Variants in ABCG2 observed in about 807,000 individuals in gnomAD.
The protein encoded by ABCG2 is ATP binding cassette subfamily G member 2 (JR blood group), also known as broad substrate specificity ATP-binding cassette transporter ABCG2.
In ABCG2, 80 loss-of-function variants were observed where a neutral mutation model predicts 73.5. The ratio of observed to expected loss-of-function variants is 1.09; its 90% confidence interval spans 0.91 to 1.31. The LOEUF (loss-of-function observed/expected upper bound fraction) is 1.31, where lower values mean the gene tolerates loss of function less well. Among genes scored for constraint, ABCG2 ranks in the 50% most tolerant of loss-of-function variants. ABCG2 has a pLI of 0.00. For synonymous variants in ABCG2, 269 were observed against 282.4 expected, an observed-to-expected ratio of 0.95 and a Z score of 0.48; for missense variants, 796 against 786.2, an observed-to-expected ratio of 1.01 and a Z score of -0.15.
intron 1 of ABCG2, among the ~76,000 whole-genome samples, chr4:88,145,746 C>A (rs1039292986): frequency 2.0e-4 from 30 of 152,088 alleles, no homozygotes; most frequent in African/African-American, 7.2e-4. Context: ...TCAAGACCAC[C>A]CTGGCCAACA....
intron 1 of ABCG2, among the ~76,000 whole-genome samples, chr4:88,219,333 G>A (rs1461913206): frequency 6.6e-6 from 1 of 152,114 alleles, no homozygotes; most frequent in African/African-American, 2.4e-5. Context: ...TCTTATGCTC[G>A]AAAAGCTTAT....
intron 1 of ABCG2, among the ~76,000 whole-genome samples, chr4:88,144,602 G>A (rs558388321): frequency 3.3e-5 from 5 of 151,780 alleles, no homozygotes; most frequent in South Asian, 4.2e-4. Flanking sequence ...ATTACAGGCC[G>A]ATGCCACAAC....
chr4:88,092,729 T>C (rs1255062608), intron 15 of ABCG2, among the ~76,000 whole-genome samples: 1 of 152,238 alleles, frequency 6.6e-6, no homozygotes, highest in African/African-American at 2.4e-5. Flanking sequence ...AAATCTGTAA[T>C]GCTGCTCTCT....
chr4:88,174,181 T>A lies in ABCG2; in HGVS notation c.-19-34167A>T, dbSNP rs75463711. Reference sequence around the variant, plus strand: ...TTTTTCTTTTTATTTTACTTTAAGTTCTGGGGTATCTGTGCAGAATGTGCA... The same window carrying A: ...TTTTTCTTTTTATTTTACTTTAAGTACTGGGGTATCTGTGCAGAATGTGCA... On this transcript the variant is annotated intron_variant, in intron 1 of 15. Transcript: ENST00000515655. 5.3e-4 allele frequency among the ~76,000 whole-genome samples: 80 copies of A among 152,172 alleles called. 1 individual carries two copies. The East Asian group carries it at 0.015, about 28-fold the overall frequency.
chr4:88,140,923 A>G (rs13130891), intron 1 of ABCG2, among the ~76,000 whole-genome samples: 50,247 of 152,032 alleles, frequency 0.33, 9,118 homozygotes, highest in African/African-American at 0.47. Flanking sequence ...GCAAAAATTT[A>G]AAACAAAAAA....
intron 1 of ABCG2, among the ~76,000 whole-genome samples, chr4:88,204,155 C>T (rs1207918170): frequency 1.3e-5 from 2 of 152,096 alleles, no homozygotes; most frequent in Non-Finnish European, 2.9e-5. Flanking sequence ...GGCTTGGTGG[C>T]TCATGCCTGT....
rs45551742 is a variant in ABCG2 at position 88,098,973 on chromosome 4, G to A, written c.1492+351C>T. 8.1e-3 allele frequency among the ~76,000 whole-genome samples: 1,232 copies of A among 152,022 alleles called. 21 individuals carry two copies. The highest frequency in any genetic ancestry group is 0.028 in the African/African-American group (1,162 of 41,460). ...CAAAAACTCCATCTTTCTGTGTGCC[G>A]GTAGTCCTAGCTACCCAGAGGCTGA... On this transcript the variant is annotated intron_variant, in intron 12 of 15. Coordinates refer to ENST00000237612, the MANE Select transcript of ABCG2 (RefSeq NM_004827.3).
intron 1 of ABCG2, among the ~76,000 whole-genome samples, chr4:88,184,359 G>T (rs775649999): frequency 6.6e-6 from 1 of 152,102 alleles, no homozygotes; most frequent in African/African-American, 2.4e-5. Flanking sequence ...CAGTAAAGTT[G>T]CAGGATACAA....
intron 1 of ABCG2, among the ~76,000 whole-genome samples, chr4:88,217,661 CA>C (rs113985016): frequency 0.3 from 42,530 of 142,054 alleles, 6,502 homozygotes; most frequent in Middle Eastern, 0.43. Context: ...GACCCTGCCT[CA>C]AAAAAAAAAA....
At chr4:88,120,039 A>G (rs1723859585) in intron 6 of ABCG2, among the ~76,000 whole-genome samples, 1 of 152,070 alleles carries the variant, frequency 6.6e-6, no homozygotes, top group South Asian at 2.1e-4. Flanking sequence ...TAGGAGGAAA[A>G]AATGGTTTCC....
Position 88,115,027 on chromosome 4 carries a change from TGCAGGGTTATTATAGGCCTC to T in ABCG2, c.853_872del (p.Glu285ArgfsTer8). ...CATTAATGATGTCCAAGAAGAAGTC[TGCAGGGTTATTATAGGCCTC>T]ACAGTGATAACCTATGAAAGAAGGC... On this transcript the variant is annotated frameshift_variant, in exon 8 of 16. Transcript: ENST00000237612. LOFTEE classifies it high-confidence loss of function. 3.7e-6 allele frequency: 6 copies of T among 1,613,236 alleles called. No homozygotes were observed. The highest frequency in any genetic ancestry group is 5.1e-6 in the Non-Finnish European group (6 of 1,179,502).
At chr4:88,117,368 C>T (rs887946627) in intron 7 of ABCG2, among the ~76,000 whole-genome samples, 3 of 151,252 alleles carry the variant, frequency 2.0e-5, no homozygotes, top group Admixed American at 1.3e-4. Flanking sequence ...TGCAGTGGCT[C>T]ACACCTATAA....
At chr4:88,205,948 TGGAATTACAGGCG>T (rs752773920) in intron 1 of ABCG2, among the ~76,000 whole-genome samples, 2 of 152,204 alleles carry the variant, frequency 1.3e-5, no homozygotes, top group South Asian at 4.1e-4. Context: ...CCCAAAGTGC[TGGAATTACAGGCG>T]TGAGCCACCA....
Position 88,131,904 on chromosome 4 carries a change from A to G in ABCG2, c.277T>C (p.Leu93=). The G allele has an allele frequency of 6.2e-7, 1 of 1,613,630 alleles. No individual in the cohort carries two copies. Among genetic ancestry groups the G allele is most frequent in the East Asian group, 2.2e-5 (1 of 44,858 alleles). ...CCACTTGGATCTTTCCTTGCAGCTA[A>G]GACATCTAATAACCTATAAGAGGAC... ...GGGKSSLLDV[L]AARKDPSGLS... is the part of the protein sequence containing the mutation. The change falls in exon 4 of 16, where the codon TTA becomes CTA. Residue 93 remains leucine, a synonymous_variant. Coordinates refer to ENST00000237612, the MANE Select transcript of ABCG2 (RefSeq NM_004827.3).
chr4:88,158,915 C>T, upstream of ABCG2: 3 of 346,104 alleles, frequency 8.7e-6, no homozygotes, highest in South Asian at 6.3e-5. Flanking sequence ...AACGCAGTGG[C>T]CCCTCCCCAG....
At chr4:88,152,489 G>T (rs1335689185) in intron 1 of ABCG2, among the ~76,000 whole-genome samples, 2 of 152,102 alleles carry the variant, frequency 1.3e-5, no homozygotes, top group South Asian at 4.1e-4. Flanking sequence ...GGTAAAGGGG[G>T]TTTGTTCTCT....
chr4:88,230,328 T>C (rs1259519415), intron 1 of ABCG2, among the ~76,000 whole-genome samples: 2 of 4,424 alleles, frequency 4.5e-4, no homozygotes, highest in African/African-American at 3.0e-3. Flanking sequence ...TGGCCACATA[T>C]ATATATATAT....
intron 1 of ABCG2, among the ~76,000 whole-genome samples, chr4:88,197,593 A>C (rs1299633009): frequency 6.6e-6 from 1 of 152,022 alleles, no homozygotes; most frequent in Non-Finnish European, 1.5e-5. Context: ...CTCCAGCCTG[A>C]GCAACAAAGT....
intron 1 of ABCG2, among the ~76,000 whole-genome samples, chr4:88,147,153 T>TCCAGG: frequency 6.6e-6 from 1 of 152,204 alleles, no homozygotes; most frequent in Admixed American, 6.5e-5. Flanking sequence ...ATTGAACTCT[T>TCCAGG]CCAGGCACCC....
Sources: gnomAD v4.1 joint callset for allele counts (sites outside exome capture counted in the v4.1 genomes callset) on GRCh38, gnomAD v4.1.1 for gene constraint, MANE v1.5 for transcripts, NCBI Gene and HGNC (gene_info 2026-07-23, HGNC 2026-07-21) for gene names.